Variants in PLEKHA6 observed in about 807,000 individuals in gnomAD.
PLEKHA6 encodes the protein pleckstrin homology domain containing A6, also known as pleckstrin homology domain-containing family A member 6.
Under a neutral mutation model 116.7 loss-of-function variants are expected in PLEKHA6, and 60 were observed. That is an observed-to-expected ratio of 0.51 (90% CI 0.42 to 0.64). The LOEUF is 0.64. Ranked by LOEUF, PLEKHA6 falls within the 30% of genes least tolerant of loss-of-function variation. The pLI, the probability that PLEKHA6 is intolerant of heterozygous loss-of-function variation, is 0.00. For synonymous variants in PLEKHA6, 489 were observed against 556.1 expected (o/e 0.88, Z 1.70); for missense variants, 1,338 against 1,422.7 (o/e 0.94, Z 0.96).
chr1:204,276,310 G>A (rs1018406130), intron 1 of PLEKHA6, among the ~76,000 whole-genome samples: 7 of 152,258 alleles, frequency 4.6e-5, no homozygotes, highest in East Asian at 1.9e-4. Context: ...AGTCTAGCAC[G>A]TTGATAATCC....
At chr1:204,319,013 A>C (rs1259275916) in intron 1 of PLEKHA6, among the ~76,000 whole-genome samples, 1 of 152,188 alleles carries the variant, frequency 6.6e-6, no homozygotes, top group Non-Finnish European at 1.5e-5. Context: ...TAGCTCTCCC[A>C]GTCTGCCCTT....
intron 1 of PLEKHA6, among the ~76,000 whole-genome samples, chr1:204,318,809 A>G (rs1424203109): frequency 6.6e-6 from 1 of 152,178 alleles, no homozygotes; most frequent in Non-Finnish European, 1.5e-5. Context: ...TTTATTCTGG[A>G]AGACTCGGGT....
At chr1:204,363,988 G>A (rs1673608024), upstream of PLEKHA6, among the ~76,000 whole-genome samples, 1 of 152,206 alleles carries the variant, frequency 6.6e-6, no homozygotes, top group Non-Finnish European at 1.5e-5. Flanking sequence ...CAAAACGTCT[G>A]TTGTGGATAC....
chr1:204,263,247 G>A (rs1246900846), intron 6 of PLEKHA6, among the ~76,000 whole-genome samples: 1 of 152,236 alleles, frequency 6.6e-6, no homozygotes, highest in Non-Finnish European at 1.5e-5. Flanking sequence ...AGGGGCGCTG[G>A]CCTGGAACTA....
intron 1 of PLEKHA6, among the ~76,000 whole-genome samples, chr1:204,324,252 G>A (rs1672165433): frequency 6.6e-6 from 1 of 152,110 alleles, no homozygotes; most frequent in Admixed American, 6.6e-5. Flanking sequence ...AAGAGTCAGG[G>A]CTATGGATCG....
At chr1:204,307,800 G>A (rs1671448724) in intron 1 of PLEKHA6, 1 of 906,638 alleles carries the variant, frequency 1.1e-6, no homozygotes, top group African/African-American at 1.8e-5. Context: ...GGCACTGGGA[G>A]AGAGCCCTGC....
intron 2 of PLEKHA6, 44 bp downstream of exon 2, chr1:204,274,685 G>A: frequency 1.0e-6 from 1 of 985,814 alleles, no homozygotes; most frequent in Non-Finnish European, 1.2e-6. Flanking sequence ...GATGGTAGTG[G>A]TTAAGGGCAG....
rs1225836044 is a variant in PLEKHA6, at chr1:204,259,967, T to C, written c.525-227A>G. Among the ~76,000 whole-genome samples the C allele has an allele frequency of 6.6e-6, 1 of 152,130 alleles. No homozygotes were observed. The highest frequency in any genetic ancestry group is 1.5e-5 in the Non-Finnish European group (1 of 68,030). On this transcript the variant is annotated intron_variant, in intron 7 of 22. Coordinates refer to ENST00000272203, the MANE Select transcript of PLEKHA6 (RefSeq NM_014935.5). This position sits in a 1 kb window ranked among gnomAD's most constrained non-coding sequence, Gnocchi z 4.6. Reference sequence around the variant, plus strand: ...AATCCGCCCCTGCCCACACCTGCTGTGTTAACTCTGCCCCCCACGTCTTCT... The same window carrying C: ...AATCCGCCCCTGCCCACACCTGCTGCGTTAACTCTGCCCCCCACGTCTTCT...
At chr1:204,322,034 T>C (rs1033290074) in intron 1 of PLEKHA6, among the ~76,000 whole-genome samples, 4 of 152,250 alleles carry the variant, frequency 2.6e-5, no homozygotes, top group African/African-American at 9.6e-5. Flanking sequence ...GTGGAGCAGT[T>C]TACCATGTGC....
At chr1:204,337,175 T>C (rs1672678163) in intron 1 of PLEKHA6, among the ~76,000 whole-genome samples, 1 of 152,082 alleles carries the variant, frequency 6.6e-6, no homozygotes, top group Non-Finnish European at 1.5e-5. Context: ...GCAGGGGAGT[T>C]GGAGATGAAA....
chr1:204,269,858 T>G (rs1667267176), intron 3 of PLEKHA6, among the ~76,000 whole-genome samples: 1 of 152,188 alleles, frequency 6.6e-6, no homozygotes, highest in South Asian at 2.1e-4. Flanking sequence ...CCTTAGCAGA[T>G]GCACTCAAGT....
At chr1:204,372,627 C>T (rs778914336) in intron 1 of PLEKHA6, among the ~76,000 whole-genome samples, 21 of 152,114 alleles carry the variant, frequency 1.4e-4, no homozygotes, top group South Asian at 2.1e-4. Flanking sequence ...ATCGAATAAA[C>T]GCCCTAAAAA....
At chr1:204,315,252 C>T (rs772904896) in intron 1 of PLEKHA6, among the ~76,000 whole-genome samples, 1 of 152,158 alleles carries the variant, frequency 6.6e-6, no homozygotes, top group East Asian at 1.9e-4. Flanking sequence ...GACTCTCTTG[C>T]TCAGAAATCC....
intron 1 of PLEKHA6, among the ~76,000 whole-genome samples, chr1:204,304,486 A>C (rs1039659808): frequency 4.6e-5 from 7 of 152,238 alleles, no homozygotes; most frequent in Non-Finnish European, 7.3e-5. Context: ...TAAGATTGTC[A>C]ACTTTTAATT....
At chr1:204,258,403 A>C (rs919354447) in intron 8 of PLEKHA6, among the ~76,000 whole-genome samples, 2 of 152,216 alleles carry the variant, frequency 1.3e-5, no homozygotes, top group African/African-American at 4.8e-5. Context: ...AGTAGCTGGG[A>C]CCACAGGTGT....
chr1:204,328,475 C>T (rs1008775335), intron 1 of PLEKHA6, among the ~76,000 whole-genome samples: 2 of 151,862 alleles, frequency 1.3e-5, no homozygotes, highest in Non-Finnish European at 2.9e-5. Context: ...CGGCTCACTG[C>T]AACCTCTGCC....
intron 9 of PLEKHA6, among the ~76,000 whole-genome samples, chr1:204,252,393 C>A (rs1664686505): frequency 6.6e-6 from 1 of 151,890 alleles, no homozygotes; most frequent in African/African-American, 2.4e-5. Flanking sequence ...GCAGGCCAAC[C>A]AATCAACCAG....
intron 1 of PLEKHA6, among the ~76,000 whole-genome samples, chr1:204,285,355 T>C (rs749725702): frequency 1.3e-5 from 2 of 152,216 alleles, no homozygotes; most frequent in Non-Finnish European, 2.9e-5. Flanking sequence ...CAACAAAAAG[T>C]TAAAAATCAG....
intron 1 of PLEKHA6, among the ~76,000 whole-genome samples, chr1:204,343,746 G>A (rs1558192670): frequency 6.6e-6 from 1 of 152,188 alleles, no homozygotes; most frequent in Non-Finnish European, 1.5e-5. Flanking sequence ...GGGCTTTCAA[G>A]CAGTGGCTGG....
Sources: gnomAD v4.1 joint callset for allele counts (sites outside exome capture counted in the v4.1 genomes callset) on GRCh38, gnomAD v4.1.1 for gene constraint, Gnocchi (gnomAD v3.1) non-coding constraint, MANE v1.5 for transcripts, NCBI Gene and HGNC (gene_info 2026-07-23, HGNC 2026-07-21) for gene names.